The following LRP1B variants were observed in gnomAD, a reference collection of about 807,000 sequenced individuals.
The protein encoded by LRP1B is LDL receptor related protein 1B, also known as low-density lipoprotein receptor-related protein 1B.
In LRP1B, 217 loss-of-function variants were observed where a neutral mutation model predicts 556.6. The observed-to-expected ratio is 0.39, with a 90% CI of 0.35 to 0.44. The LOEUF is 0.44. LRP1B is among the 20% of genes least tolerant of loss of function. The probability of loss-of-function intolerance (pLI) is 1.00; values close to 1 mark genes in which losing one functional copy is unlikely to be tolerated. For synonymous variants in LRP1B, 2,047 were observed against 1,865.8 expected (o/e 1.10, Z -2.50); for missense variants, 5,053 against 5,620.8 (o/e 0.90, Z 3.23).
Position 141,796,257 on chromosome 2 carries a change from T to A in LRP1B, c.205+14022A>T, listed in dbSNP as rs551602372. 9.2e-5 allele frequency among the ~76,000 whole-genome samples: 14 copies of A among 152,166 alleles called. No homozygotes were observed. The South Asian group carries it at 2.9e-3, about 32-fold the overall frequency. On this transcript the variant is annotated intron_variant, in intron 2 of 90. Coordinates refer to ENST00000389484, the MANE Select transcript of LRP1B (RefSeq NM_018557.3). ...ATTACTAGAAAAATAGTTGTGGTAA[T>A]GCCAACCCAATTACATGGTTCCAAT...
chr2:141,300,671 T>C (rs1221692106), intron 3 of LRP1B, among the ~76,000 whole-genome samples: 1 of 152,090 alleles, frequency 6.6e-6, no homozygotes, highest in Non-Finnish European at 1.5e-5. Flanking sequence ...TATGCAGCAT[T>C]CCCCCGCCCC....
intron 2 of LRP1B, among the ~76,000 whole-genome samples, chr2:141,775,541 T>C (rs1378038970): frequency 1.3e-5 from 2 of 152,174 alleles, no homozygotes; most frequent in Non-Finnish European, 2.9e-5. Flanking sequence ...ACACTCCTTT[T>C]GCTAAATACC....
At chr2:140,557,227 C>T (rs573927694) in intron 43 of LRP1B, among the ~76,000 whole-genome samples, 13 of 152,244 alleles carry the variant, frequency 8.5e-5, no homozygotes, top group Middle Eastern at 6.8e-3. Context: ...AGCAAACTCT[C>T]ATCAATTTCT....
intron 3 of LRP1B, among the ~76,000 whole-genome samples, chr2:141,332,066 A>G (rs1687675909): frequency 6.6e-6 from 1 of 151,820 alleles, no homozygotes; most frequent in South Asian, 2.1e-4. Flanking sequence ...CATTTTGCCT[A>G]TATGCTGATC....
intron 1 of LRP1B, among the ~76,000 whole-genome samples, chr2:141,872,821 A>G (rs1314867407): frequency 3.3e-5 from 5 of 152,028 alleles, no homozygotes; most frequent in African/African-American, 1.2e-4. Context: ...ATACTACTTA[A>G]ATTAATTAAT....
At chr2:141,347,252 T>G (rs1688284843) in intron 3 of LRP1B, among the ~76,000 whole-genome samples, 1 of 152,060 alleles carries the variant, frequency 6.6e-6, no homozygotes, top group Admixed American at 6.6e-5. Flanking sequence ...GTATAAAAAT[T>G]TTCCAGTTTA....
intron 35 of LRP1B, among the ~76,000 whole-genome samples, chr2:140,719,905 A>G (rs966936204): frequency 6.6e-6 from 1 of 152,074 alleles, no homozygotes. Context: ...ACAAACACAC[A>G]CTAGACCAAA....
intron 55 of LRP1B, 37 bp downstream of exon 55, chr2:140,501,650 T>A (rs1332760706): frequency 6.9e-7 from 1 of 1,443,646 alleles, no homozygotes; most frequent in Admixed American, 2.2e-5. Context: ...CCAATTCTAA[T>A]GTATCGTATG....
chr2:141,467,113 TATATATATATCTATATATATATA>T (rs1260059487), intron 3 of LRP1B, among the ~76,000 whole-genome samples: 27 of 1,924 alleles, frequency 0.014, 1 homozygote, highest in Admixed American at 0.065. Flanking sequence ...TATATATATA[TATATATATATCTATATATATATA>T]TATATATATA....
intron 21 of LRP1B, among the ~76,000 whole-genome samples, chr2:140,922,057 T>C (rs1015574797): frequency 1.3e-5 from 2 of 151,916 alleles, no homozygotes; most frequent in Non-Finnish European, 2.9e-5. Context: ...CTACAGAAAA[T>C]TATTTCCATG....
At chr2:140,262,327 A>G (rs1309137058) in intron 86 of LRP1B, among the ~76,000 whole-genome samples, 3 of 152,188 alleles carry the variant, frequency 2.0e-5, no homozygotes, top group African/African-American at 7.2e-5. Context: ...CTAGTGCCAC[A>G]AAGCACAGAT....
intron 3 of LRP1B, among the ~76,000 whole-genome samples, chr2:141,264,353 A>G (rs1684809286): frequency 6.6e-6 from 1 of 152,220 alleles, no homozygotes; most frequent in South Asian, 2.1e-4. Context: ...AAAAAGAAAA[A>G]GCAAAATTTT....
chr2:141,197,350 C>G (rs972092078), intron 6 of LRP1B, among the ~76,000 whole-genome samples: 2 of 152,034 alleles, frequency 1.3e-5, no homozygotes, highest in Non-Finnish European at 2.9e-5. Context: ...GGGTTCTTAT[C>G]TTAGATTTTT....
At chr2:141,614,098 A>AAAAAAG (rs1553543037) in intron 2 of LRP1B, among the ~76,000 whole-genome samples, 2 of 150,746 alleles carry the variant, frequency 1.3e-5, no homozygotes, top group Admixed American at 6.6e-5. Flanking sequence ...AAAAAAAAAA[A>AAAAAAG]AAAGAAAGAA....
At chr2:141,423,952 T>A (rs183731161) in intron 3 of LRP1B, among the ~76,000 whole-genome samples, 43 of 152,270 alleles carry the variant, frequency 2.8e-4, no homozygotes, top group African/African-American at 1.0e-3. Context: ...TGTCTCAGTA[T>A]CAATAACTTA....
At chr2:140,799,786 A>T (rs1690442339) in intron 32 of LRP1B, among the ~76,000 whole-genome samples, 1 of 152,188 alleles carries the variant, frequency 6.6e-6, no homozygotes, top group South Asian at 2.1e-4. Flanking sequence ...AGGTTCCAAG[A>T]TGGCCAAATA....
intron 1 of LRP1B, among the ~76,000 whole-genome samples, chr2:141,907,860 C>T (rs1558953579): frequency 1.3e-5 from 2 of 151,888 alleles, no homozygotes; most frequent in Non-Finnish European, 2.9e-5. Context: ...CCATAAATGG[C>T]TTTCCTTCCC....
At chr2:140,858,137 G>C (rs1335670945) in intron 27 of LRP1B, among the ~76,000 whole-genome samples, 1 of 152,130 alleles carries the variant, frequency 6.6e-6, no homozygotes, top group Admixed American at 6.6e-5. Context: ...TTAGTGAACA[G>C]AGGTGAAGGA....
chr2:141,962,817 C>A (rs1701439761), intron 1 of LRP1B, among the ~76,000 whole-genome samples: 1 of 151,764 alleles, frequency 6.6e-6, no homozygotes, highest in Non-Finnish European at 1.5e-5. Context: ...CCTTACACAT[C>A]ATCTAGCCCT....
Sources: gnomAD v4.1 joint callset for allele counts (sites outside exome capture counted in the v4.1 genomes callset) on GRCh38, gnomAD v4.1.1 for gene constraint, MANE v1.5 for transcripts, NCBI Gene and HGNC (gene_info 2026-07-23, HGNC 2026-07-21) for gene names.